The following ABL1 variants were observed in gnomAD, a reference collection of about 807,000 sequenced individuals.
ABL1 encodes the protein tyrosine-protein kinase ABL1.
A neutral mutation model predicts 94.7 loss-of-function variants in ABL1; 11 were observed. The ratio of observed to expected loss-of-function variants is 0.12; its 90% CI spans 0.07 to 0.19. The LOEUF (loss-of-function observed/expected upper bound fraction) is 0.19, where lower values mean the gene tolerates loss of function less well. Ranked by LOEUF, ABL1 falls within the 10% of genes least tolerant of loss-of-function variation. The probability of loss-of-function intolerance (pLI) is 1.00; values close to 1 mark genes in which losing one functional copy is unlikely to be tolerated. For synonymous variants in ABL1, 656 were observed against 622.4 expected, an observed-to-expected ratio of 1.05 and a Z score of -0.80; for missense variants, 1,082 against 1,489.4, an observed-to-expected ratio of 0.73 and a Z score of 4.50.
rs76824518 is a variant in ABL1 at position 130,810,873 on chromosome 9, C to T, written c.137-43191C>T. Among the ~76,000 whole-genome samples, 999 of 152,174 alleles carry T rather than the reference C, an allele frequency of 6.6e-3. 10 individuals carry two copies. The highest frequency in any genetic ancestry group is 0.022 in the African/African-American group (931 of 41,516). ...TGAAGAAAAACTATATACTAAGGCACATCTTAAGCAAATTGCTTAAAACCA... is the reference window on the plus strand; with the variant it reads ...TGAAGAAAAACTATATACTAAGGCATATCTTAAGCAAATTGCTTAAAACCA... On this transcript the variant is annotated intron_variant, in intron 1 of 10. Coordinates refer to the ABL1 transcript ENST00000372348.
At position 130,769,329 on chromosome 9, in the gene ABL1, C is replaced by CTTTTTTTTTTTTTTTTTTTTTTTT. The variant is rs372838676; in HGVS notation, c.136+54896_136+54897insTTTTTTTTTTTTTTTTTTTTTTTT. On this transcript the variant is annotated intron_variant, in intron 1 of 10. Coordinates refer to the ABL1 transcript ENST00000372348. ...TGGAGAGCCAAACTATGGCCCTAGT[C>CTTTTTTTTTTTTTTTTTTTTTTTT]TTTTTTTTTTTTTTTTTTTTTTGAG... Among the ~76,000 whole-genome samples, 53 of 84,318 alleles carry CTTTTTTTTTTTTTTTTTTTTTTTT rather than the reference C, an allele frequency of 6.3e-4. 2 individuals carry two copies. The highest frequency in any genetic ancestry group is 1.0e-3 in the Non-Finnish European group (45 of 43,912). 55.3% of individuals were successfully genotyped at this position (84,318 alleles called of 152,430 possible).
intron 1 of ABL1, among the ~76,000 whole-genome samples, chr9:130,747,505 C>G (rs760709771): frequency 6.6e-6 from 1 of 152,190 alleles, no homozygotes; most frequent in Non-Finnish European, 1.5e-5. Flanking sequence ...CCTCTGCCTC[C>G]TGGGTTCAAG....
intron 1 of ABL1, among the ~76,000 whole-genome samples, chr9:130,723,850 C>A (rs890335301): frequency 3.3e-5 from 5 of 151,532 alleles, no homozygotes; most frequent in African/African-American, 1.2e-4. Context: ...CTCGCTCTGT[C>A]ACCCAGGCTG....
At chr9:130,877,745 A>G (rs1055430461) in intron 7 of ABL1, among the ~76,000 whole-genome samples, 3 of 145,812 alleles carry the variant, frequency 2.1e-5, no homozygotes, top group Non-Finnish European at 3.0e-5. Flanking sequence ...GGTTCAAGCA[A>G]TTCTCCTGCC....
At chr9:130,758,732 C>G (rs1464140912) in intron 1 of ABL1, among the ~76,000 whole-genome samples, 2 of 152,200 alleles carry the variant, frequency 1.3e-5, no homozygotes, top group Non-Finnish European at 2.9e-5. Context: ...CGCATCCGGC[C>G]CCAATTTATT....
intron 1 of ABL1, among the ~76,000 whole-genome samples, chr9:130,817,254 T>C (rs941098737): frequency 1.3e-5 from 2 of 152,250 alleles, no homozygotes; most frequent in Non-Finnish European, 2.9e-5. Flanking sequence ...CAAAGACCTG[T>C]GCTAACATTC....
intron 1 of ABL1, among the ~76,000 whole-genome samples, chr9:130,744,438 G>A (rs540813556): frequency 6.6e-6 from 1 of 151,610 alleles, no homozygotes. Flanking sequence ...ACCACGCCTG[G>A]CCCCTTCTTG....
intron 1 of ABL1, among the ~76,000 whole-genome samples, chr9:130,778,723 C>T (rs1167838784): frequency 4.6e-5 from 7 of 151,318 alleles, no homozygotes; most frequent in Admixed American, 1.3e-4. Flanking sequence ...TCACCATTGT[C>T]GTGGTTTATA....
chr9:130,757,952 C>T lies in ABL1; in HGVS notation c.136+43497C>T, dbSNP rs542287195. 2.0e-5 allele frequency among the ~76,000 whole-genome samples: 3 copies of T among 152,288 alleles called. No individual in the cohort carries two copies. The East Asian group carries it at 5.8e-4, about 29-fold the overall frequency. The stretch of plus-strand genomic sequence containing the variant: ...GAAAGTGAGGAAGCAATGGCCCCTC[C>T]AGGGCACACCCAGGTGCTGTCCCTT... On this transcript the variant is annotated intron_variant, in intron 1 of 10. Transcript: ENST00000372348.
intron 1 of ABL1, among the ~76,000 whole-genome samples, chr9:130,848,243 G>A (rs963024875): frequency 4.7e-5 from 7 of 149,184 alleles, no homozygotes; most frequent in Non-Finnish European, 1.0e-4. Flanking sequence ...GCTCCTGCCT[G>A]TAATCCCAGC....
chr9:130,845,490 C>T (rs9695008), intron 1 of ABL1, among the ~76,000 whole-genome samples: 22,684 of 151,972 alleles, frequency 0.15, 1,826 homozygotes, highest in African/African-American at 0.19. Context: ...TGCAGATGTG[C>T]ACCACCACGC....
At chr9:130,760,763 A>G (rs1416336029) in intron 1 of ABL1, among the ~76,000 whole-genome samples, 1 of 146,336 alleles carries the variant, frequency 6.8e-6, no homozygotes, top group African/African-American at 2.5e-5. Flanking sequence ...CCCAGGTTCA[A>G]GAGATTCTCC....
At chr9:130,881,865 T>A (rs1831460253) in intron 10 of ABL1, among the ~76,000 whole-genome samples, 1 of 141,092 alleles carries the variant, frequency 7.1e-6, no homozygotes, top group African/African-American at 3.0e-5. Flanking sequence ...TTTTATCACG[T>A]ACTCTCATTA....
At chr9:130,738,851 A>T (rs1196458819) in intron 1 of ABL1, among the ~76,000 whole-genome samples, 1 of 152,062 alleles carries the variant, frequency 6.6e-6, no homozygotes. Flanking sequence ...AGGAGAAAAC[A>T]TTTTTTCCCT....
At chr9:130,741,709 A>G (rs1831821677) in intron 1 of ABL1, among the ~76,000 whole-genome samples, 1 of 152,340 alleles carries the variant, frequency 6.6e-6, no homozygotes, top group African/African-American at 2.4e-5. Flanking sequence ...CCGGAGTAAC[A>G]GTTACCGCAC....
chr9:130,761,504 A>G (rs764692988), intron 1 of ABL1, among the ~76,000 whole-genome samples: 4 of 152,218 alleles, frequency 2.6e-5, no homozygotes, highest in Non-Finnish European at 4.4e-5. Context: ...AAATCAAGAC[A>G]TGCTGAAAAA....
chr9:130,725,313 C>G (rs1831566896), intron 1 of ABL1, among the ~76,000 whole-genome samples: 1 of 152,176 alleles, frequency 6.6e-6, no homozygotes, highest in African/African-American at 2.4e-5. Context: ...TCTAGGACTT[C>G]ATATAACTAT....
At chr9:130,801,875 T>C (rs762353521) in intron 1 of ABL1, among the ~76,000 whole-genome samples, 6 of 152,194 alleles carry the variant, frequency 3.9e-5, no homozygotes, top group Non-Finnish European at 8.8e-5. Flanking sequence ...TATTTGACTA[T>C]GAAGTGCAAG....
intron 1 of ABL1, among the ~76,000 whole-genome samples, chr9:130,805,111 C>T (rs1199741534): frequency 6.6e-6 from 1 of 152,210 alleles, no homozygotes; most frequent in Non-Finnish European, 1.5e-5. Flanking sequence ...GAGTCTCGCA[C>T]TGTCACCCAG....
Sources: allele counts gnomAD v4.1 joint callset (sites outside exome capture counted in the v4.1 genomes callset), GRCh38; gene constraint gnomAD v4.1.1; transcripts MANE v1.5; gene names NCBI Gene and HGNC (gene_info 2026-07-23, HGNC 2026-07-21).